Variants in RAB30 observed in about 807,000 individuals in gnomAD.
The protein encoded by RAB30 is RAB30, member RAS oncogene family.
RAB30 carries 9 observed loss-of-function variants against 25.1 expected under a neutral mutation model. The observed-to-expected ratio is 0.36, with a 90% CI of 0.22 to 0.63. RAB30 has a LOEUF of 0.63. Among genes scored for constraint, RAB30 ranks in the 20% least tolerant of loss-of-function variants. The pLI is 0.69. For missense variants in RAB30, 140 were observed against 243.5 expected, an observed-to-expected ratio of 0.58 and a Z score of 2.83; for synonymous variants, 77 against 86.4, an observed-to-expected ratio of 0.89 and a Z score of 0.60.
chr11:83,026,545 T>C (rs1857719888), intron 1 of RAB30, among the ~76,000 whole-genome samples: 1 of 152,216 alleles, frequency 6.6e-6, no homozygotes, highest in Admixed American at 6.5e-5. Flanking sequence ...CTGTAAGCTT[T>C]CTGAGGTCTC....
intron 1 of RAB30, among the ~76,000 whole-genome samples, chr11:83,044,712 C>T (rs2121516382): frequency 6.6e-6 from 1 of 152,242 alleles, no homozygotes; most frequent in East Asian, 1.9e-4. Context: ...AAAATAAATG[C>T]AGCAAAGAAT....
intron 1 of RAB30, among the ~76,000 whole-genome samples, chr11:83,069,130 A>G (rs1858773106): frequency 6.6e-6 from 1 of 152,222 alleles, no homozygotes; most frequent in South Asian, 2.1e-4. Context: ...AAGCAGAAAG[A>G]AATGAATAGT....
Position 82,997,483 on chromosome 11 carries a change from G to A in RAB30, c.-8-159C>T, listed in dbSNP as rs1483053891. ...ACCCTGCCAGCTAGACAGAAACACA[G>A]GTGTTTGGTCACAGACGGACTTTAT... is the stretch of plus-strand genomic sequence containing the variant. On this transcript the variant is annotated intron_variant, in intron 1 of 4. Coordinates refer to ENST00000527633, the MANE Select transcript of RAB30 (RefSeq NM_001286060.2). The A allele has an allele frequency of 3.8e-5, 23 of 597,870 alleles. No individual in the cohort carries two copies. The Admixed American group carries it at 5.6e-4, about 14-fold the overall frequency. 37.0% of individuals were successfully genotyped at this position (597,870 alleles called of 1,614,324 possible). A position where few individuals can be genotyped will look rare whatever the true frequency, so the allele number is the denominator to read the frequency against.
At chr11:83,039,786 C>T (rs1206148280) in intron 1 of RAB30, among the ~76,000 whole-genome samples, 1 of 152,040 alleles carries the variant, frequency 6.6e-6, no homozygotes, top group Non-Finnish European at 1.5e-5. Context: ...GTAAGACTTC[C>T]ACAGGAAGCA....
intron 1 of RAB30, among the ~76,000 whole-genome samples, chr11:83,069,008 G>A (rs1180930129): frequency 6.6e-6 from 1 of 152,224 alleles, no homozygotes; most frequent in Non-Finnish European, 1.5e-5. Flanking sequence ...CATGGTAGCT[G>A]CTCAATCAAT....
chr11:83,051,303 C>A (rs1858352753), intron 1 of RAB30, among the ~76,000 whole-genome samples: 1 of 152,180 alleles, frequency 6.6e-6, no homozygotes, highest in Non-Finnish European at 1.5e-5. Flanking sequence ...AAATAAACTT[C>A]ATTTTTATTG....
intron 1 of RAB30, among the ~76,000 whole-genome samples, chr11:83,053,620 C>CA (rs36050063): frequency 0.33 from 47,447 of 144,730 alleles, 8,595 homozygotes; most frequent in African/African-American, 0.53. Flanking sequence ...TAAATGCCTT[C>CA]AAAAAAAAAA....
chr11:82,994,910 C>T (rs1856928567), intron 2 of RAB30, among the ~76,000 whole-genome samples: 1 of 152,200 alleles, frequency 6.6e-6, no homozygotes, highest in African/African-American at 2.4e-5. Context: ...CCTCTCTGGG[C>T]CTCAAATTCA....
At position 83,061,082 on chromosome 11, in the gene RAB30, T is replaced by C. The variant is rs148472896; in HGVS notation, c.-9+10609A>G. ...GAGTTCCACTGTCAGCTTCCCCAGT[T>C]CCAAGGACTTTCAACTTGGACTGCA... On this transcript the variant is annotated intron_variant, in intron 1 of 4. Coordinates refer to ENST00000527633, the MANE Select transcript of RAB30 (RefSeq NM_001286060.2). Among the ~76,000 whole-genome samples the C allele has an allele frequency of 7.4e-3, 1,130 of 152,248 alleles. 46 individuals carry two copies. Among genetic ancestry groups the C allele is most frequent in the Admixed American group, 0.068 (1,043 of 15,282 alleles).
At chr11:83,014,678 GA>G (rs1555035165) in intron 1 of RAB30, among the ~76,000 whole-genome samples, 37 of 142,010 alleles carry the variant, frequency 2.6e-4, no homozygotes, top group African/African-American at 9.9e-4. Flanking sequence ...AAGAAAGAAA[GA>G]AAGAAAGAAA....
intron 1 of RAB30, among the ~76,000 whole-genome samples, chr11:83,014,770 AAG>A (rs770523998): frequency 6.6e-6 from 1 of 151,642 alleles, no homozygotes; most frequent in Non-Finnish European, 1.5e-5. Flanking sequence ...GAGAGAAAGA[AAG>A]AGAAAGAAAG....
intron 1 of RAB30, among the ~76,000 whole-genome samples, chr11:83,039,859 A>T (rs1238105580): frequency 6.6e-6 from 1 of 152,162 alleles, no homozygotes; most frequent in Admixed American, 6.5e-5. Context: ...TTGTCAATGG[A>T]CTTCTCTGGA....
chr11:83,019,785 T>C (rs1857524196), intron 1 of RAB30, among the ~76,000 whole-genome samples: 1 of 152,266 alleles, frequency 6.6e-6, no homozygotes, highest in Admixed American at 6.5e-5. Flanking sequence ...TGGCTATTGT[T>C]ACCACGAGAG....
chr11:83,015,918 C>A lies in RAB30; in HGVS notation c.-8-18594G>T, dbSNP rs142401167. Among the ~76,000 whole-genome samples, 60 of 152,172 alleles carry A rather than the reference C, an allele frequency of 3.9e-4. No individual in the cohort carries two copies. In the East Asian group the frequency reaches 9.9e-3, roughly 25 times the overall value. On this transcript the variant is annotated intron_variant, in intron 1 of 4. Transcript: ENST00000527633. The stretch of plus-strand genomic sequence containing the variant: ...TTTGGGAGAATGAGGCAGGCAGATC[C>A]CTTGAGACCAGCAGTTTGAGACCAG...
chr11:82,997,368 C>T (rs991484350), intron 1 of RAB30, 44 bp from the exon 2 acceptor site: 20 of 1,379,058 alleles, frequency 1.5e-5, no homozygotes, highest in Non-Finnish European at 2.0e-5. Flanking sequence ...CCCAGTCAGA[C>T]TTGCCCACAG....
At chr11:82,986,295 T>C (rs1251123883) in intron 4 of RAB30, among the ~76,000 whole-genome samples, 1 of 152,184 alleles carries the variant, frequency 6.6e-6, no homozygotes, top group African/African-American at 2.4e-5. Context: ...AGCTGGGAGA[T>C]GTGTAGAAGG....
At chr11:83,010,176 C>T (rs549510970) in intron 1 of RAB30, among the ~76,000 whole-genome samples, 6 of 152,196 alleles carry the variant, frequency 3.9e-5, no homozygotes, top group African/African-American at 2.4e-5. Context: ...TTGGACTGGG[C>T]GTGGTGGCTT....
chr11:83,035,388 G>A (rs1360222260), intron 1 of RAB30: 1 of 152,150 alleles, frequency 6.6e-6, no homozygotes, highest in Non-Finnish European at 1.5e-5. Flanking sequence ...TCTGGGGAAG[G>A]TGATAGCTAT....
intron 1 of RAB30, among the ~76,000 whole-genome samples, chr11:82,998,687 C>T (rs961048186): frequency 2.0e-5 from 3 of 150,936 alleles, no homozygotes; most frequent in African/African-American, 7.3e-5. Context: ...GCCCTCAAGA[C>T]CAACATGAGA....
Sources: gnomAD v4.1 joint callset for allele counts (sites outside exome capture counted in the v4.1 genomes callset) on GRCh38, gnomAD v4.1.1 for gene constraint, MANE v1.5 for transcripts, NCBI Gene and HGNC (gene_info 2026-07-23, HGNC 2026-07-21) for gene names.